ISM1: variants seen among roughly 807,000 people sequenced by gnomAD.
ISM1 encodes isthmin-1.
A neutral mutation model predicts 46.3 loss-of-function variants in ISM1; 25 were observed. The ratio of observed to expected loss-of-function variants is 0.54; its 90% CI spans 0.39 to 0.75. The LOEUF (loss-of-function observed/expected upper bound fraction) is 0.75. ISM1 is among the 30% of genes least tolerant of loss of function. The pLI is 0.00. For synonymous variants in ISM1, 255 were observed against 256.7 expected, an observed-to-expected ratio of 0.99 and a Z score of 0.06; for missense variants, 536 against 625.4, an observed-to-expected ratio of 0.86 and a Z score of 1.52.
intron 1 of ISM1, among the ~76,000 whole-genome samples, chr20:13,222,532 G>A (rs1254840736): frequency 3.3e-5 from 5 of 152,118 alleles, no homozygotes; most frequent in Admixed American, 1.3e-4. Context: ...TCATGGGGAA[G>A]GTGCAGAGTG....
chr20:13,223,168 A>AT (rs1491267875), intron 1 of ISM1, among the ~76,000 whole-genome samples: 67 of 128,202 alleles, frequency 5.2e-4, no homozygotes, highest in African/African-American at 2.2e-3. Flanking sequence ...AAAAAAAAAT[A>AT]AAATAAAATA....
At chr20:13,245,059 A>G (rs1179860792) in intron 1 of ISM1, among the ~76,000 whole-genome samples, 1 of 152,224 alleles carries the variant, frequency 6.6e-6, no homozygotes, top group Non-Finnish European at 1.5e-5. Flanking sequence ...TGGGATTTTA[A>G]TACCAAAAAG....
At chr20:13,269,528 C>T (rs555266474) in intron 1 of ISM1, among the ~76,000 whole-genome samples, 55 of 152,324 alleles carry the variant, frequency 3.6e-4, no homozygotes, top group Admixed American at 3.1e-3. Flanking sequence ...ACAACAGCTT[C>T]GCTGGCCATT....
intron 1 of ISM1, among the ~76,000 whole-genome samples, chr20:13,230,470 T>G (rs1349062377): frequency 6.6e-6 from 1 of 152,338 alleles, no homozygotes; most frequent in South Asian, 2.1e-4. Flanking sequence ...TAGTGCTTTC[T>G]GTGGTTCTAT....
At chr20:13,253,995 A>G (rs2039897907) in intron 1 of ISM1, among the ~76,000 whole-genome samples, 1 of 149,862 alleles carries the variant, frequency 6.7e-6, no homozygotes, top group South Asian at 2.1e-4. Context: ...AGGTGAGCGG[A>G]TCACTTGAGG....
intron 1 of ISM1, among the ~76,000 whole-genome samples, chr20:13,246,777 T>A (rs959929506): frequency 1.3e-5 from 2 of 152,200 alleles, no homozygotes; most frequent in African/African-American, 4.8e-5. Flanking sequence ...CATTCATACC[T>A]TTTCTTTTTT....
intron 5 of ISM1, among the ~76,000 whole-genome samples, chr20:13,293,234 C>T (rs1196900708): frequency 6.6e-6 from 1 of 150,626 alleles, no homozygotes; most frequent in Non-Finnish European, 1.5e-5. Context: ...AAGAATTCTT[C>T]ATAAACCTTT....
chr20:13,277,162 A>C (rs1400078582), intron 2 of ISM1, among the ~76,000 whole-genome samples: 1 of 152,146 alleles, frequency 6.6e-6, no homozygotes, highest in African/African-American at 2.4e-5. Flanking sequence ...AATCATATTG[A>C]CGGTAATAGC....
At chr20:13,325,263 A>G in the ISM1 span, among the ~76,000 whole-genome samples, 1 of 152,316 alleles carries the variant, frequency 6.6e-6, no homozygotes, top group African/African-American at 2.4e-5. Flanking sequence ...AAGAAGTTAG[A>G]GGTCTCAGGT....
the ISM1 span, among the ~76,000 whole-genome samples, chr20:13,314,098 A>G: frequency 6.6e-6 from 1 of 152,192 alleles, no homozygotes; most frequent in Non-Finnish European, 1.5e-5. Context: ...AAGAGAAAAA[A>G]AGACTGAAAG....
chr20:13,279,980 C>T, intron 3 of ISM1, 82 bp downstream of exon 3: 1 of 1,331,272 alleles, frequency 7.5e-7, no homozygotes, highest in Non-Finnish European at 1.0e-6. Context: ...AAGCAAAACC[C>T]TGCTTAGAGC....
intron 1 of ISM1, among the ~76,000 whole-genome samples, chr20:13,233,024 CAA>C (rs35520629): frequency 3.5e-5 from 5 of 142,172 alleles, no homozygotes; most frequent in Admixed American, 7.0e-5. Context: ...GATGCTGGAC[CAA>C]AAAAAAAAAA....
chr20:13,266,262 G>A (rs2040041992), intron 1 of ISM1, among the ~76,000 whole-genome samples: 1 of 152,218 alleles, frequency 6.6e-6, no homozygotes, highest in African/African-American at 2.4e-5. Context: ...GTACTGCCAT[G>A]TAAGGCAAAA....
At chr20:13,295,767 T>C (rs1463923813) in intron 5 of ISM1, among the ~76,000 whole-genome samples, 1 of 152,212 alleles carries the variant, frequency 6.6e-6, no homozygotes, top group Non-Finnish European at 1.5e-5. Flanking sequence ...AAGTTGCCTG[T>C]TGGAGGAGTC....
chr20:13,266,948 T>C, intron 1 of ISM1, among the ~76,000 whole-genome samples: 1 of 152,286 alleles, frequency 6.6e-6, no homozygotes, highest in South Asian at 2.1e-4. Flanking sequence ...GTGCAGTAAG[T>C]CCCTTTGAGA....
chr20:13,301,793 T>C (rs2040460380), downstream of ISM1, among the ~76,000 whole-genome samples: 1 of 152,046 alleles, frequency 6.6e-6, no homozygotes, highest in Non-Finnish European at 1.5e-5. Flanking sequence ...GGCTGGAGAT[T>C]AGTCACATGA....
the ISM1 span, among the ~76,000 whole-genome samples, chr20:13,325,392 G>T: frequency 6.6e-6 from 1 of 152,178 alleles, no homozygotes; most frequent in Non-Finnish European, 1.5e-5. Context: ...TCTGGTATCT[G>T]TCTCCATAAA....
At chr20:13,239,606 G>A (rs897879703) in intron 1 of ISM1, 1 of 152,148 alleles carries the variant, frequency 6.6e-6, no homozygotes, top group Admixed American at 6.5e-5. Flanking sequence ...AAGGGTCACT[G>A]CACATGGCTG....
At chr20:13,292,209 T>C (rs369567093) in intron 4 of ISM1, among the ~76,000 whole-genome samples, 165 bp from the exon 5 acceptor site, 4 of 152,230 alleles carry the variant, frequency 2.6e-5, no homozygotes, top group African/African-American at 9.6e-5. Context: ...GTTTCTGCAC[T>C]ACGACCTGCT....
Sources: gnomAD v4.1 joint callset for allele counts (sites outside exome capture counted in the v4.1 genomes callset) on GRCh38, gnomAD v4.1.1 for gene constraint, MANE v1.5 for transcripts, NCBI Gene and HGNC (gene_info 2026-07-23, HGNC 2026-07-21) for gene names.